Variants in C1QTNF1 observed in about 807,000 individuals in gnomAD.
The protein encoded by C1QTNF1 is C1q and TNF related 1, also known as complement C1q tumor necrosis factor-related protein 1.
A neutral mutation model predicts 27.8 loss-of-function variants in C1QTNF1; 22 were observed. The ratio of observed to expected loss-of-function variants is 0.79; its 90% CI spans 0.56 to 1.13. The LOEUF (loss-of-function observed/expected upper bound fraction) is 1.13. Ranked by LOEUF, C1QTNF1 falls within the 50% of genes most tolerant of loss-of-function variation. The pLI is 0.00. For missense variants in C1QTNF1, 373 were observed against 380.2 expected (o/e 0.98, Z 0.16); for synonymous variants, 166 against 154.3 (o/e 1.08, Z -0.56).
Position 79,048,518 on chromosome 17 carries a change from CTGGCTCCCAAG to C in C1QTNF1, c.*431_*441del, listed in dbSNP as rs113274504. 0.014 allele frequency: 2,252 copies of C among 159,846 alleles called. 73 individuals carry two copies. Among genetic ancestry groups the C allele is most frequent in the African/African-American group, 0.05 (2,073 of 41,778 alleles). 9.9% of individuals were successfully genotyped at this position (159,846 alleles called of 1,614,324 possible). A position where few individuals can be genotyped will look rare whatever the true frequency, so the allele number is the denominator to read the frequency against. On this transcript the variant is annotated 3_prime_UTR_variant, in exon 4 of 4. Coordinates refer to ENST00000579760, the MANE Select transcript of C1QTNF1 (RefSeq NM_030968.5). ...TATTTTTGTCTTTCCAGCCAGCCTG[CTGGCTCCCAAG>C]AGAGAGGCCTTTTCAGTTGAGACTC... is the stretch of plus-strand genomic sequence containing the variant.
intron 1 of C1QTNF1, among the ~76,000 whole-genome samples, chr17:79,030,441 CTCTTTCT>C (rs1568060835): frequency 6.8e-6 from 1 of 147,912 alleles, no homozygotes; most frequent in African/African-American, 2.5e-5. Context: ...AACTTTCTCT[CTCTTTCT>C]TCTTTCTTTC....
Position 79,032,832 on chromosome 17 carries a change from C to T in C1QTNF1, c.-15+8338C>T, listed in dbSNP as rs186733694. On this transcript the variant is annotated intron_variant, in intron 1 of 3. Transcript: ENST00000579760. The stretch of plus-strand genomic sequence containing the variant: ...CTGTAATCCCAGCACTTTAGGAGGC[C>T]GAGGCGGGTGGATCGCTTTGAGGTT... Among the ~76,000 whole-genome samples the T allele has an allele frequency of 2.8e-4, 42 of 152,028 alleles. 1 individual carries two copies. The highest frequency in any genetic ancestry group is 3.4e-3 in the Middle Eastern group (1 of 294).
rs760309832 is a variant in C1QTNF1, at chr17:79,046,728, C to T, written c.295+34C>T. ...GCTGCAAAGACAAGCACGGGGTGGC[C>T]GGGCTGCTCTGTGCTGATCCGGAGG... On this transcript the variant is annotated intron_variant, in intron 3 of 3. Coordinates refer to ENST00000579760, the MANE Select transcript of C1QTNF1 (RefSeq NM_030968.5). This position sits in a 1 kb window ranked among gnomAD's most constrained non-coding sequence, Gnocchi z 4.8. 17 of 1,613,128 alleles carry T rather than the reference C, an allele frequency of 1.1e-5. No homozygotes were observed. In the East Asian group the frequency reaches 1.6e-4, roughly 15 times the overall value.
upstream of C1QTNF1, among the ~76,000 whole-genome samples, chr17:79,023,367 C>T (rs921038517): frequency 6.6e-6 from 1 of 152,190 alleles, no homozygotes; most frequent in Non-Finnish European, 1.5e-5. Context: ...GCTGGGCTGA[C>T]GCAGAGTCTA....
At chr17:79,034,390 CTT>C (rs748922874) in intron 1 of C1QTNF1, 4 of 152,310 alleles carry the variant, frequency 2.6e-5, no homozygotes, top group Non-Finnish European at 4.4e-5. Context: ...TCAAGGAAAT[CTT>C]TGTTTCCACT....
At chr17:79,044,278 C>T (rs2072508632) in intron 2 of C1QTNF1, among the ~76,000 whole-genome samples, 155 bp downstream of exon 2, 1 of 152,198 alleles carries the variant, frequency 6.6e-6, no homozygotes, top group Admixed American at 6.5e-5. Context: ...TCCTGCAGGA[C>T]AGACGAGCGA....
chr17:79,038,652 T>C (rs1241346208), intron 1 of C1QTNF1, among the ~76,000 whole-genome samples: 3 of 152,188 alleles, frequency 2.0e-5, no homozygotes, highest in African/African-American at 7.2e-5. Context: ...TCACACAGGT[T>C]TCACGTCACT....
At chr17:79,039,735 G>C (rs2072352431) in intron 1 of C1QTNF1, among the ~76,000 whole-genome samples, 2 of 151,836 alleles carry the variant, frequency 1.3e-5, no homozygotes, top group Admixed American at 6.6e-5. Context: ...ATCCAAGGTA[G>C]CTTTTTAATG....
chr17:79,044,504 G>A (rs1038196483), intron 2 of C1QTNF1, among the ~76,000 whole-genome samples: 1 of 152,188 alleles, frequency 6.6e-6, no homozygotes, highest in African/African-American at 2.4e-5. Flanking sequence ...GAGGCAGGGA[G>A]AAGTGGAGCA....
At chr17:79,044,222 G>A in intron 2 of C1QTNF1, 99 bp downstream of exon 2, 1 of 1,332,570 alleles carries the variant, frequency 7.5e-7, no homozygotes, top group East Asian at 2.5e-5. Context: ...TGTGAGATGT[G>A]AAGGCAAGAA....
chr17:79,031,509 G>A (rs1012333056), intron 1 of C1QTNF1, among the ~76,000 whole-genome samples: 6 of 151,886 alleles, frequency 4.0e-5, no homozygotes, highest in South Asian at 2.1e-4. Flanking sequence ...GTGCAGTGGT[G>A]CTATTTCACC....
At chr17:79,045,499 A>G (rs2145929147) in intron 2 of C1QTNF1, among the ~76,000 whole-genome samples, 1 of 152,318 alleles carries the variant, frequency 6.6e-6, no homozygotes, top group South Asian at 2.1e-4. Context: ...GTGAGAGTCG[A>G]AATGGCAGGG....
chr17:79,042,406 AG>A (rs979421024), intron 1 of C1QTNF1, among the ~76,000 whole-genome samples: 16 of 152,148 alleles, frequency 1.1e-4, no homozygotes, highest in African/African-American at 3.4e-4. Flanking sequence ...TACTGGATGG[AG>A]GGGGTCCTGC....
intron 1 of C1QTNF1, among the ~76,000 whole-genome samples, chr17:79,041,024 A>C (rs73413140): frequency 0.022 from 3,402 of 152,330 alleles, 109 homozygotes; most frequent in East Asian, 0.14. Context: ...GATGGGATAA[A>C]AATTATTAAT....
At chr17:79,032,092 G>C (rs964339275) in intron 1 of C1QTNF1, among the ~76,000 whole-genome samples, 1 of 152,194 alleles carries the variant, frequency 6.6e-6, no homozygotes, top group African/African-American at 2.4e-5. Flanking sequence ...CCTGAGAAAT[G>C]AGATGGGGCT....
intron 1 of C1QTNF1, among the ~76,000 whole-genome samples, chr17:79,030,815 GA>G (rs916736165): frequency 1.3e-5 from 2 of 151,864 alleles, no homozygotes; most frequent in African/African-American, 4.8e-5. Context: ...TGGTCAGGAT[GA>G]TATTGAACTC....
intron 1 of C1QTNF1, among the ~76,000 whole-genome samples, chr17:79,042,305 G>A (rs528474049): frequency 2.0e-5 from 3 of 152,374 alleles, no homozygotes; most frequent in East Asian, 1.9e-4. Context: ...GCAGGTGGGC[G>A]TTCGCCTAAT....
intron 1 of C1QTNF1, chr17:79,043,585 A>G (rs2072480565): frequency 2.5e-5 from 11 of 438,842 alleles, no homozygotes; most frequent in South Asian, 1.4e-4. Context: ...TGTGTGGATT[A>G]CATGTGTGTG....
chr17:79,047,603 G>T lies in C1QTNF1; in HGVS notation c.361G>T (p.Ala121Ser). The T allele has an allele frequency of 6.4e-7, 1 of 1,566,028 alleles. No homozygotes were observed. The change falls in exon 4 of 4, where the codon GCC (alanine) becomes TCC (serine). Residue 121 changes from alanine to serine, a missense_variant. Coordinates refer to ENST00000579760, the MANE Select transcript of C1QTNF1 (RefSeq NM_030968.5). ...GKYGKTGSAG[A>S]RGHTGPKGQK... ...ATATGGCAAAACAGGCTCAGCAGGG[G>T]CCAGGGGCCACACTGGACCCAAAGG...
Sources: allele counts gnomAD v4.1 joint callset (sites outside exome capture counted in the v4.1 genomes callset), GRCh38; gene constraint gnomAD v4.1.1; non-coding constraint Gnocchi (gnomAD v3.1); transcripts MANE v1.5; gene names NCBI Gene and HGNC (gene_info 2026-07-23, HGNC 2026-07-21).